Variants in KCTD10 observed in about 807,000 individuals in gnomAD.
KCTD10 encodes potassium channel tetramerization domain containing 10.
KCTD10 carries 13 observed loss-of-function variants against 34.6 expected under a neutral mutation model. That is an observed-to-expected ratio of 0.38 (90% CI 0.24 to 0.60). The LOEUF is 0.60. Among genes scored for constraint, KCTD10 ranks in the 20% least tolerant of loss-of-function variants. The pLI is 0.66. For synonymous variants in KCTD10, 156 were observed against 168.8 expected, an observed-to-expected ratio of 0.92 and a Z score of 0.59; for missense variants, 256 against 420.3, an observed-to-expected ratio of 0.61 and a Z score of 3.42.
chr12:109,472,581 T>G (rs1873941897), intron 1 of KCTD10, among the ~76,000 whole-genome samples: 1 of 152,174 alleles, frequency 6.6e-6, no homozygotes, highest in Admixed American at 6.5e-5. Context: ...ACCAGTGATA[T>G]ATCTATCAAG....
At chr12:109,464,516 G>A (rs936291992) in intron 2 of KCTD10, among the ~76,000 whole-genome samples, 3 of 152,096 alleles carry the variant, frequency 2.0e-5, no homozygotes, top group African/African-American at 7.2e-5. Context: ...GTAAAAAAGC[G>A]ATTTAAACTC....
chr12:109,469,372 C>T (rs1026819937), intron 2 of KCTD10, 143 bp downstream of exon 2: 19 of 928,624 alleles, frequency 2.0e-5, no homozygotes, highest in South Asian at 1.0e-4. Flanking sequence ...AGCAAATCAA[C>T]GACCAAGTCA....
intron 6 of KCTD10, 68 bp downstream of exon 6, chr12:109,456,050 G>A (rs936465747): frequency 2.7e-6 from 4 of 1,459,122 alleles, no homozygotes; most frequent in Non-Finnish European, 3.8e-6. Flanking sequence ...TTGGGCTCAA[G>A]TGAAAGGAAG....
In KCTD10 at chr12:109,450,545, G is replaced by C; in HGVS notation, c.*1050C>G. On this transcript the variant is annotated 3_prime_UTR_variant, in exon 7 of 7. Coordinates refer to ENST00000228495, the MANE Select transcript of KCTD10 (RefSeq NM_031954.5). ...GACAAGGGGGTCTGTGTTTATAGCA[G>C]GGAAGCTCCCTGGGGCTGGTGGTGT... 1 of 396,106 alleles carries C rather than the reference G, an allele frequency of 2.5e-6. No individual in the cohort carries two copies. 24.5% of individuals were successfully genotyped at this position (396,106 alleles called of 1,614,324 possible).
chr12:109,469,639 G>C lies in KCTD10; in HGVS notation c.93C>G (p.Ser31=), dbSNP rs1024785812. The change falls in exon 2 of 7, where the codon TCC becomes TCG. Residue 31 remains serine, a synonymous_variant. Coordinates refer to ENST00000228495, the MANE Select transcript of KCTD10 (RefSeq NM_031954.5). ...CACCCACATTCAGCTTCACGTATTT[G>C]GAGCTGGGGCTCGTGCCCTTGAAGG... The part of the protein sequence containing the change: ...TTSFKGTSPS[S]KYVKLNVGGA... 1.9e-5 allele frequency: 30 copies of C among 1,614,086 alleles called. No homozygotes were observed. Among genetic ancestry groups the C allele is most frequent in the Non-Finnish European group, 2.5e-5 (30 of 1,180,044 alleles).
intron 2 of KCTD10, among the ~76,000 whole-genome samples, chr12:109,464,339 G>A (rs1456926147): frequency 6.6e-6 from 1 of 152,156 alleles, no homozygotes; most frequent in African/African-American, 2.4e-5. Context: ...GTAAGAGGCT[G>A]CCCCGCACAT....
chr12:109,470,748 A>C, intron 1 of KCTD10: 1 of 250,654 alleles, frequency 4.0e-6, no homozygotes, highest in Non-Finnish European at 6.3e-6. Flanking sequence ...CACAGACAAA[A>C]ACATAAACAT....
rs1248506084 is a variant in KCTD10 at position 109,449,654 on chromosome 12, A to G, written c.*1941T>C. ...GGCAGCAGAATCGCTTGAACCCAGG[A>G]GGCACAAGTTGTGGTAAGTGGAGAT... On this transcript the variant is annotated 3_prime_UTR_variant, in exon 7 of 7. Transcript: ENST00000228495. 1.3e-5 allele frequency: 2 copies of G among 152,132 alleles called. No homozygotes were observed. Among genetic ancestry groups the G allele is most frequent in the African/African-American group, 4.8e-5 (2 of 41,396 alleles). The allele number at this position is 152,132 out of a possible 1,614,324, so 9.4% of individuals were successfully genotyped here.
intron 2 of KCTD10, 34 bp downstream of exon 2, chr12:109,469,481 T>C (rs368220068): frequency 5.0e-6 from 8 of 1,608,234 alleles, no homozygotes; most frequent in Non-Finnish European, 5.1e-6. Context: ...ACATAACGCA[T>C]GGCCAGAGGC....
Position 109,458,074 on chromosome 12 carries a change from T to C in KCTD10, c.392A>G (p.Lys131Arg). Residue 131 changes from lysine (K) to arginine (R), a missense_variant, in exon 4 of 7, where the codon AAA becomes AGA. Transcript: ENST00000228495. ...CTTGCAGAAAGGCTCATAAGTATCT[T>C]TGTTCTGCTGGAACAAAACATGCTT... The part of the protein sequence containing the change: ...VEECQAALQN[K>R]DTYEPFCKVP... The C allele has an allele frequency of 6.2e-7, 1 of 1,613,938 alleles. No homozygotes were observed. Among genetic ancestry groups the C allele is most frequent in the East Asian group, 2.2e-5 (1 of 44,882 alleles).
intron 1 of KCTD10, 131 bp from the exon 2 acceptor site, chr12:109,469,859 A>T (rs79210497): frequency 0.065 from 94,104 of 1,448,124 alleles, 3,336 homozygotes; most frequent in Non-Finnish European, 0.07. Context: ...TTTGCTTCCA[A>T]TGTGGACAAC....
intron 5 of KCTD10, chr12:109,456,946 G>A (rs931603046): frequency 1.9e-5 from 3 of 156,924 alleles, no homozygotes; most frequent in African/African-American, 7.2e-5. Flanking sequence ...TCCACATAGA[G>A]ACTTTGCATG....
intron 2 of KCTD10, among the ~76,000 whole-genome samples, chr12:109,467,303 G>T (rs1235958856): frequency 6.6e-6 from 1 of 152,202 alleles, no homozygotes; most frequent in Non-Finnish European, 1.5e-5. Context: ...CCCCTCGAAG[G>T]GTTATGGTGA....
chr12:109,468,517 G>A (rs1873702985), intron 2 of KCTD10, among the ~76,000 whole-genome samples: 1 of 152,124 alleles, frequency 6.6e-6, no homozygotes, highest in African/African-American at 2.4e-5. Context: ...ATGAAGGATG[G>A]TACTATTTTT....
At chr12:109,469,436 T>TA in intron 2 of KCTD10, 79 bp downstream of exon 2, 1 of 1,540,390 alleles carries the variant, frequency 6.5e-7, no homozygotes, top group Non-Finnish European at 8.8e-7. Context: ...GGTCTCGACT[T>TA]AAATGTCACT....
At chr12:109,457,834 T>C (rs1249073461) in intron 4 of KCTD10, 152 bp from the exon 5 acceptor site, 5 of 992,260 alleles carry the variant, frequency 5.0e-6, no homozygotes, top group African/African-American at 4.8e-5. Context: ...CATGACCCAA[T>C]AGCAGGGGCA....
At chr12:109,461,475 C>G (rs1873327142) in intron 2 of KCTD10, among the ~76,000 whole-genome samples, 1 of 152,182 alleles carries the variant, frequency 6.6e-6, no homozygotes, top group Admixed American at 6.5e-5. Flanking sequence ...GGAAAAAGGT[C>G]CCAAAGCTGA....
intron 1 of KCTD10, chr12:109,469,963 T>A (rs1344163370): frequency 8.1e-7 from 1 of 1,229,018 alleles, no homozygotes; most frequent in African/African-American, 1.5e-5. Flanking sequence ...AGAGCTGGGG[T>A]ATTGGATGAC....
rs1566049391 is a variant in KCTD10, at chr12:109,450,229, T to C, written c.*1366A>G. ...CTGGTAACTACTCTACCTAGTCTAGTCTCAACCACCCCTGTCAGTCACGAC... is the reference window on the plus strand; with the variant it reads ...CTGGTAACTACTCTACCTAGTCTAGCCTCAACCACCCCTGTCAGTCACGAC... On this transcript the variant is annotated 3_prime_UTR_variant, in exon 7 of 7. Coordinates refer to ENST00000228495, the MANE Select transcript of KCTD10 (RefSeq NM_031954.5). 1 of 398,650 alleles carries C rather than the reference T, an allele frequency of 2.5e-6. No individual in the cohort carries two copies. Among genetic ancestry groups the C allele is most frequent in the East Asian group, 3.6e-5 (1 of 28,072 alleles). 24.7% of individuals were successfully genotyped at this position (398,650 alleles called of 1,614,324 possible). A position where few individuals can be genotyped will look rare whatever the true frequency, so the allele number is the denominator to read the frequency against.
Sources: allele counts gnomAD v4.1 joint callset (sites outside exome capture counted in the v4.1 genomes callset), GRCh38; gene constraint gnomAD v4.1.1; transcripts MANE v1.5; gene names NCBI Gene and HGNC (gene_info 2026-07-23, HGNC 2026-07-21).